The following TEAD1 variants were observed in gnomAD, a reference collection of about 807,000 sequenced individuals.
TEAD1 encodes the protein transcriptional enhancer factor TEF-1.
TEAD1 carries 9 observed loss-of-function variants against 54.9 expected under a neutral mutation model. That is an observed-to-expected ratio of 0.16 (90% confidence interval 0.10 to 0.29). The LOEUF is 0.29. Among genes scored for constraint, TEAD1 ranks in the 10% least tolerant of loss-of-function variants. The pLI is 1.00. For missense variants in TEAD1, 387 were observed against 535.9 expected, an observed-to-expected ratio of 0.72 and a Z score of 2.74; for synonymous variants, 200 against 187.8, an observed-to-expected ratio of 1.07 and a Z score of -0.53.
At chr11:12,745,031 A>G (rs965412880) in intron 2 of TEAD1, among the ~76,000 whole-genome samples, 1 of 152,180 alleles carries the variant, frequency 6.6e-6, no homozygotes, top group Non-Finnish European at 1.5e-5. Flanking sequence ...GGCTAATTTT[A>G]AACCTGGTCA....
chr11:12,727,171 C>G (rs1356074475), intron 2 of TEAD1, among the ~76,000 whole-genome samples: 1 of 152,114 alleles, frequency 6.6e-6, no homozygotes, highest in African/African-American at 2.4e-5. Context: ...ACCTGGGAGG[C>G]GGAGGTTGCA....
intron 2 of TEAD1, among the ~76,000 whole-genome samples, chr11:12,692,160 C>G (rs1249107539): frequency 1.3e-5 from 2 of 152,106 alleles, no homozygotes; most frequent in East Asian, 3.8e-4. Context: ...TAATTTCTGT[C>G]TTTGCTTCTT....
intron 9 of TEAD1, among the ~76,000 whole-genome samples, chr11:12,883,975 C>A: frequency 7.1e-6 from 1 of 140,412 alleles, no homozygotes. Flanking sequence ...AGCCTGGCGA[C>A]AGAGCGAGAC....
At chr11:12,749,354 A>G (rs1944816381) in intron 2 of TEAD1, among the ~76,000 whole-genome samples, 1 of 152,174 alleles carries the variant, frequency 6.6e-6, no homozygotes, top group Non-Finnish European at 1.5e-5. Context: ...TACCAGGGTT[A>G]ACAGAATCTG....
intron 2 of TEAD1, among the ~76,000 whole-genome samples, chr11:12,754,030 C>G (rs926486218): frequency 6.6e-6 from 1 of 152,164 alleles, no homozygotes; most frequent in African/African-American, 2.4e-5. Flanking sequence ...TGTTACAAAT[C>G]AAGTGAACGT....
At chr11:12,765,549 C>A (rs1451716420) in intron 3 of TEAD1, among the ~76,000 whole-genome samples, 1 of 151,986 alleles carries the variant, frequency 6.6e-6, no homozygotes, top group Non-Finnish European at 1.5e-5. Context: ...TGTCAGGAGC[C>A]GTAGGAGACT....
At chr11:12,862,728 T>A (rs1243287456) in intron 4 of TEAD1, among the ~76,000 whole-genome samples, 1 of 152,216 alleles carries the variant, frequency 6.6e-6, no homozygotes, top group Non-Finnish European at 1.5e-5. Flanking sequence ...ATAATTTCAA[T>A]GAAAAAGTAA....
At chr11:12,739,273 A>G (rs1446126201) in intron 2 of TEAD1, among the ~76,000 whole-genome samples, 1 of 152,052 alleles carries the variant, frequency 6.6e-6, no homozygotes, top group Non-Finnish European at 1.5e-5. Flanking sequence ...TCTATCTACA[A>G]TCTTTTTAAT....
chr11:12,834,743 T>TG (rs371531192), intron 3 of TEAD1, among the ~76,000 whole-genome samples: 103,740 of 150,716 alleles, frequency 0.69, 35,977 homozygotes, highest in East Asian at 0.76. Context: ...ATTACAGAGG[T>TG]TCACACCTCT....
At chr11:12,827,596 G>T (rs1946682610) in intron 3 of TEAD1, among the ~76,000 whole-genome samples, 1 of 152,142 alleles carries the variant, frequency 6.6e-6, no homozygotes, top group African/African-American at 2.4e-5. Flanking sequence ...ACTGATTCTA[G>T]GTCCTATGGT....
intron 10 of TEAD1, among the ~76,000 whole-genome samples, chr11:12,906,933 G>A (rs1948531564): frequency 6.6e-6 from 1 of 152,140 alleles, no homozygotes; most frequent in Admixed American, 6.5e-5. Flanking sequence ...TTCCACTTCA[G>A]GCTATTATGA....
At chr11:12,899,595 C>T (rs772515374) in intron 9 of TEAD1, among the ~76,000 whole-genome samples, 8 of 152,210 alleles carry the variant, frequency 5.3e-5, no homozygotes, top group Non-Finnish European at 1.0e-4. Context: ...CATAATCTCA[C>T]TTCCCTAACA....
At chr11:12,749,705 C>G (rs1159021886) in intron 2 of TEAD1, among the ~76,000 whole-genome samples, 1 of 152,218 alleles carries the variant, frequency 6.6e-6, no homozygotes, top group East Asian at 1.9e-4. Context: ...ACTGAATGCC[C>G]TTACAGTGCT....
intron 9 of TEAD1, among the ~76,000 whole-genome samples, chr11:12,900,207 A>G (rs1271080977): frequency 6.6e-6 from 1 of 150,402 alleles, no homozygotes; most frequent in Admixed American, 6.6e-5. Context: ...AACTACAGGC[A>G]TGCACCACCA....
intron 3 of TEAD1, among the ~76,000 whole-genome samples, chr11:12,768,284 C>T (rs1174757533): frequency 1.3e-5 from 2 of 152,188 alleles, no homozygotes; most frequent in African/African-American, 4.8e-5. Context: ...ATAGATCTTA[C>T]TGTGTAGGAT....
intron 3 of TEAD1, among the ~76,000 whole-genome samples, chr11:12,830,397 C>T (rs1282326472): frequency 1.3e-5 from 2 of 152,088 alleles, no homozygotes; most frequent in African/African-American, 2.4e-5. Context: ...AACCTGGCTA[C>T]CTCTTTAGGC....
At chr11:12,820,859 G>A (rs964827949) in intron 3 of TEAD1, among the ~76,000 whole-genome samples, 2 of 152,142 alleles carry the variant, frequency 1.3e-5, no homozygotes, top group East Asian at 1.9e-4. Context: ...TTAAGATGAC[G>A]AGTAAGTCTG....
intron 9 of TEAD1, among the ~76,000 whole-genome samples, chr11:12,884,676 G>T (rs1948049422): frequency 6.6e-6 from 1 of 152,134 alleles, no homozygotes; most frequent in Non-Finnish European, 1.5e-5. Context: ...AAATTAGGGG[G>T]AAAAATGAGG....
chr11:12,826,314 A>T (rs1039259895), intron 3 of TEAD1, among the ~76,000 whole-genome samples: 7 of 152,202 alleles, frequency 4.6e-5, no homozygotes, highest in African/African-American at 1.7e-4. Flanking sequence ...TCTCTGTCAC[A>T]TCTTCGAACT....
Sources: gnomAD v4.1 joint callset for allele counts (sites outside exome capture counted in the v4.1 genomes callset) on GRCh38, gnomAD v4.1.1 for gene constraint, MANE v1.5 for transcripts, NCBI Gene and HGNC (gene_info 2026-07-23, HGNC 2026-07-21) for gene names.